The following KATNA1 variants were observed in gnomAD, a reference collection of about 807,000 sequenced individuals.
The protein encoded by KATNA1 is katanin catalytic subunit A1.
In KATNA1, 42 loss-of-function variants were observed where a neutral mutation model predicts 62.6. The observed-to-expected ratio is 0.67, with a 90% CI of 0.52 to 0.87. KATNA1 has a LOEUF of 0.87. KATNA1 is among the 40% of genes least tolerant of loss of function. The pLI is 0.00. For missense variants in KATNA1, 498 were observed against 612.5 expected, an observed-to-expected ratio of 0.81 and a Z score of 1.97; for synonymous variants, 186 against 201.9, an observed-to-expected ratio of 0.92 and a Z score of 0.67.
At chr6:149,633,868 A>C (rs922489582) in intron 2 of KATNA1, among the ~76,000 whole-genome samples, 3 of 152,172 alleles carry the variant, frequency 2.0e-5, no homozygotes, top group Non-Finnish European at 4.4e-5. Flanking sequence ...AGGCAGGAGA[A>C]TCGCTTGAAC....
At chr6:149,638,730 GTTT>G (rs1217719467) in intron 1 of KATNA1, 170 bp from the exon 2 acceptor site, 279 of 99,674 alleles carry the variant, frequency 2.8e-3, no homozygotes, top group South Asian at 6.0e-3. Context: ...AAAAAACATT[GTTT>G]TTTTTTTTTT....
At chr6:149,637,469 T>G (rs1336744520) in intron 2 of KATNA1, among the ~76,000 whole-genome samples, 6 of 152,126 alleles carry the variant, frequency 3.9e-5, no homozygotes, top group African/African-American at 1.4e-4. Context: ...GACAATGGCT[T>G]AATAAAGTCT....
At chr6:149,611,391 G>A (rs1176994244) in intron 4 of KATNA1, among the ~76,000 whole-genome samples, 3 of 150,706 alleles carry the variant, frequency 2.0e-5, no homozygotes, top group South Asian at 2.1e-4. Context: ...GAACCTGGGA[G>A]GTGGAGGTTG....
At chr6:149,630,602 T>C (rs1779792868) in intron 3 of KATNA1, among the ~76,000 whole-genome samples, 1 of 152,126 alleles carries the variant, frequency 6.6e-6, no homozygotes, top group African/African-American at 2.4e-5. Context: ...CACTCCAGCC[T>C]GGGCGAAAGA....
intron 4 of KATNA1, among the ~76,000 whole-genome samples, chr6:149,607,801 C>G (rs1216766416): frequency 6.6e-6 from 1 of 152,172 alleles, no homozygotes. Context: ...CTCAGTGGCT[C>G]ACGCCTGTAA....
intron 7 of KATNA1, among the ~76,000 whole-genome samples, chr6:149,601,199 G>A (rs552648519): frequency 3.4e-4 from 52 of 152,160 alleles, no homozygotes; most frequent in Admixed American, 7.9e-4. Context: ...GGCATTTGGT[G>A]CAGTTAATAG....
At chr6:149,601,550 T>G in intron 7 of KATNA1, 44 bp downstream of exon 7, 2 of 1,524,548 alleles carry the variant, frequency 1.3e-6, no homozygotes, top group Non-Finnish European at 1.8e-6. Flanking sequence ...CTTTCTCCCC[T>G]TTTAGAGAGG....
At chr6:149,627,527 CAAAAAAAA>C (rs796916643) in intron 3 of KATNA1, among the ~76,000 whole-genome samples, 73 of 69,588 alleles carry the variant, frequency 1.0e-3, no homozygotes, top group Non-Finnish European at 6.1e-5. Flanking sequence ...GACTCCATCT[CAAAAAAAA>C]AAAAAAAAAA....
intron 3 of KATNA1, among the ~76,000 whole-genome samples, chr6:149,627,214 G>A (rs1004187382): frequency 4.6e-5 from 7 of 151,432 alleles, no homozygotes; most frequent in Non-Finnish European, 1.0e-4. Flanking sequence ...CCAACATGGA[G>A]AAACCCCATC....
rs373671948 is a variant in KATNA1, at chr6:149,637,765, G to A, written c.162+621C>T. On this transcript the variant is annotated intron_variant, in intron 2 of 10. Transcript: ENST00000367411. ...GTGAAGGTTGCAGTGAGCCGAGATCGTGCCACTGCACTCCACCCTGGATGA... is the reference window on the plus strand; with the variant it reads ...GTGAAGGTTGCAGTGAGCCGAGATCATGCCACTGCACTCCACCCTGGATGA... 1.2e-4 allele frequency among the ~76,000 whole-genome samples: 18 copies of A among 152,142 alleles called. No individual in the cohort carries two copies. The East Asian group carries it at 1.9e-3, about 16-fold the overall frequency.
rs142372487 is a variant in KATNA1 at position 149,638,315 on chromosome 6, T to C, written c.162+71A>G. ...TCTTAACATGTAACTACATACAGCA[T>C]TGACATCTGATCTAAATTTTCTCTT... On this transcript the variant is annotated intron_variant, in intron 2 of 10. Transcript: ENST00000367411. 6.1e-3 allele frequency: 8,432 copies of C among 1,381,250 alleles called. 36 individuals are homozygous for C. The highest frequency in any genetic ancestry group is 7.1e-3 in the Non-Finnish European group (7,008 of 984,588). The allele number at this position is 1,381,250 out of a possible 1,614,324, so 85.6% of individuals were successfully genotyped here. A position where few individuals can be genotyped will look rare whatever the true frequency, so the allele number is the denominator to read the frequency against.
chr6:149,607,628 T>C (rs1778792974), intron 4 of KATNA1, among the ~76,000 whole-genome samples: 1 of 151,588 alleles, frequency 6.6e-6, no homozygotes, highest in Non-Finnish European at 1.5e-5. Flanking sequence ...AAACAAACAA[T>C]AACTTGTTCT....
chr6:149,618,533 G>A (rs943518451), intron 4 of KATNA1, among the ~76,000 whole-genome samples: 2 of 151,818 alleles, frequency 1.3e-5, no homozygotes, highest in African/African-American at 4.8e-5. Flanking sequence ...ACTCCAAAGA[G>A]ATCCTGAGCA....
At chr6:149,647,242 G>A (rs1030499055) in intron 1 of KATNA1, among the ~76,000 whole-genome samples, 1 of 151,474 alleles carries the variant, frequency 6.6e-6, no homozygotes, top group East Asian at 1.9e-4. Flanking sequence ...AACAAAAACC[G>A]GCCGGGCGCA....
At chr6:149,625,632 A>G (rs1489246234) in intron 3 of KATNA1, among the ~76,000 whole-genome samples, 1 of 151,258 alleles carries the variant, frequency 6.6e-6, no homozygotes, top group African/African-American at 2.4e-5. Flanking sequence ...TGTCTCAAAA[A>G]GAAAGAAAAG....
At chr6:149,623,924 G>A (rs1359814149) in intron 3 of KATNA1, among the ~76,000 whole-genome samples, 3 of 152,100 alleles carry the variant, frequency 2.0e-5, no homozygotes, top group Non-Finnish European at 2.9e-5. Context: ...AAAATTATCA[G>A]AGAAGAGAGT....
intron 9 of KATNA1, 66 bp from the exon 10 acceptor site, chr6:149,597,255 ATCT>A (rs1778360434): frequency 4.6e-6 from 7 of 1,515,366 alleles, no homozygotes; most frequent in African/African-American, 2.8e-5. Flanking sequence ...ATTGTCTCAA[ATCT>A]TCTTTGTGTG....
At chr6:149,609,185 T>C (rs1224796608) in intron 4 of KATNA1, among the ~76,000 whole-genome samples, 1 of 152,030 alleles carries the variant, frequency 6.6e-6, no homozygotes, top group African/African-American at 2.4e-5. Flanking sequence ...CAGAAACAAA[T>C]AGAACACCCC....
chr6:149,620,634 A>G (rs1020031319), intron 4 of KATNA1, among the ~76,000 whole-genome samples: 6 of 152,186 alleles, frequency 3.9e-5, no homozygotes, highest in Non-Finnish European at 8.8e-5. Flanking sequence ...ACATTTTCAA[A>G]TAACTAGAAG....
Sources: allele counts gnomAD v4.1 joint callset (sites outside exome capture counted in the v4.1 genomes callset), GRCh38; gene constraint gnomAD v4.1.1; transcripts MANE v1.5; gene names NCBI Gene and HGNC (gene_info 2026-07-23, HGNC 2026-07-21).